The following EVI2B variants were observed in gnomAD, a reference collection of about 807,000 sequenced individuals.
The protein encoded by EVI2B is ecotropic viral integration site 2B.
In EVI2B, 4 loss-of-function variants were observed where a neutral mutation model predicts 6.6. That is an observed-to-expected ratio of 0.61 (90% confidence interval 0.30 to 1.39). The LOEUF (loss-of-function observed/expected upper bound fraction) is 1.39, where lower values mean the gene tolerates loss of function less well. Ranked by LOEUF, EVI2B falls within the 40% of genes most tolerant of loss-of-function variation. EVI2B has a pLI of 0.08. For missense variants in EVI2B, 484 were observed against 516.6 expected (o/e 0.94, Z 0.61); for synonymous variants, 181 against 186.8 (o/e 0.97, Z 0.25).
At position 31,313,963 on chromosome 17, in the gene EVI2B, G is replaced by C. The variant is rs1303433096; in HGVS notation, c.-22+16C>G. The C allele has an allele frequency of 2.5e-6, 1 of 397,814 alleles. No homozygotes were observed. Among genetic ancestry groups the C allele is most frequent in the Non-Finnish European group, 4.4e-6 (1 of 225,754 alleles). The allele number at this position is 397,814 out of a possible 1,614,324, so 24.6% of individuals were successfully genotyped here. On this transcript the variant is annotated intron_variant, in intron 1 of 1. Transcript: ENST00000330927. ...ATAAAGCAAGATCAAACCAAATTGT[G>C]TGAAAATTTTCTTACCTCAGCTGTT...
intron 1 of EVI2B, among the ~76,000 whole-genome samples, chr17:31,312,531 A>G (rs1288599187): frequency 1.3e-5 from 2 of 151,966 alleles, no homozygotes; most frequent in South Asian, 4.1e-4. Flanking sequence ...AAAAAAAAAA[A>G]AAAAGTATGG....
At position 31,304,096 on chromosome 17, in the gene EVI2B, T is replaced by C. The variant is rs2068640978; in HGVS notation, c.*167A>G. 1.7e-6 allele frequency: 1 copy of C among 593,652 alleles called. No individual in the cohort carries two copies. The highest frequency in any genetic ancestry group is 2.8e-6 in the Non-Finnish European group (1 of 355,520). The allele number at this position is 593,652 out of a possible 1,614,324, so 36.8% of individuals were successfully genotyped here. A position where few individuals can be genotyped will look rare whatever the true frequency, so the allele number is the denominator to read the frequency against. On this transcript the variant is annotated 3_prime_UTR_variant, in exon 2 of 2. Coordinates refer to ENST00000330927, the MANE Select transcript of EVI2B (RefSeq NM_006495.4). ...TAAATAGATTACTGTTAAATAACTTTTTTTAAAAAAAAGTTTCATCTATGC... is the reference window on the plus strand; with the variant it reads ...TAAATAGATTACTGTTAAATAACTTCTTTTAAAAAAAAGTTTCATCTATGC...
At chr17:31,307,776 G>A (rs1266690954) in intron 1 of EVI2B, 1 of 653,758 alleles carries the variant, frequency 1.5e-6, no homozygotes, top group Non-Finnish European at 2.3e-6. Flanking sequence ...ATCTTAGGGT[G>A]TTAGATATTG....
In EVI2B at chr17:31,304,521, T is replaced by TA; in HGVS notation, c.1088dup (p.Ser364IlefsTer6). The TA allele has an allele frequency of 1.9e-6, 3 of 1,614,212 alleles. No individual in the cohort carries two copies. The South Asian group carries it at 3.3e-5, about 18-fold the overall frequency. ...TAGTAGAATCATTTGGAAGAGGAGA[T>TA]ACAATTGTCATTGTGGGTTTGTCAG... On this transcript the variant is annotated frameshift_variant, in exon 2 of 2. Transcript: ENST00000330927. LOFTEE classifies it low-confidence loss of function (END_TRUNC).
chr17:31,305,396 A>G lies in EVI2B; in HGVS notation c.214T>C (p.Ser72Pro). The change falls in exon 2 of 2, where the codon TCA becomes CCA. Residue 72 changes from serine to proline, a missense_variant. Coordinates refer to ENST00000330927, the MANE Select transcript of EVI2B (RefSeq NM_006495.4). ...TGTCCAGCAGTGACTTTGGCAGGTG[A>G]TATTGATTGTCCAGAAAAAGTGTCG... is the stretch of plus-strand genomic sequence containing the variant. ...FSDTFSGQSI[S>P]PAKVTAGQPT... is the part of the protein sequence containing the mutation. 1 of 1,614,172 alleles carries G rather than the reference A, an allele frequency of 6.2e-7. No homozygotes were observed. Among genetic ancestry groups the G allele is most frequent in the Non-Finnish European group, 8.5e-7 (1 of 1,180,030 alleles).
At position 31,304,327 on chromosome 17, in the gene EVI2B, A is replaced by G. The variant is rs201634622; in HGVS notation, c.1283T>C (p.Ile428Thr). 1.1e-4 allele frequency: 170 copies of G among 1,614,116 alleles called. No homozygotes were observed. Among genetic ancestry groups the G allele is most frequent in the Admixed American group, 1.5e-4 (9 of 60,022 alleles). Residue 428 changes from isoleucine to threonine, a missense_variant, in exon 2 of 2, where the codon ATT (isoleucine) becomes ACT (threonine). Ile to Thr is a moderately conservative substitution (Grantham distance 89). Coordinates refer to ENST00000330927, the MANE Select transcript of EVI2B (RefSeq NM_006495.4). ...NLEIQCQEFS[I>T]PPNSDQDLNE... ...AAGATCTTGATCAGAGTTGGGAGGAATAGAGAACTCCTGACACTGGATCTC... is the reference window on the plus strand; with the variant it reads ...AAGATCTTGATCAGAGTTGGGAGGAGTAGAGAACTCCTGACACTGGATCTC...
rs199724907 is a variant in EVI2B, at chr17:31,304,093, CT to C, written c.*169del. 5.2e-6 allele frequency: 3 copies of C among 578,506 alleles called. No individual in the cohort carries two copies. The highest frequency in any genetic ancestry group is 3.6e-5 in the Admixed American group (1 of 27,742). 35.8% of individuals were successfully genotyped at this position (578,506 alleles called of 1,614,324 possible). A position where few individuals can be genotyped will look rare whatever the true frequency, so the allele number is the denominator to read the frequency against. On this transcript the variant is annotated 3_prime_UTR_variant, in exon 2 of 2. Coordinates refer to ENST00000330927, the MANE Select transcript of EVI2B (RefSeq NM_006495.4). Reference sequence around the variant, plus strand: ...TAGTAAATAGATTACTGTTAAATAACTTTTTTTAAAAAAAAGTTTCATCTAT... The same window carrying C: ...TAGTAAATAGATTACTGTTAAATAACTTTTTTAAAAAAAAGTTTCATCTAT...
At chr17:31,307,804 CTA>C in intron 1 of EVI2B, 3 of 971,222 alleles carry the variant, frequency 3.1e-6, no homozygotes, top group Non-Finnish European at 4.3e-6. Context: ...TGATTAGAAA[CTA>C]TAGTTCTTCT....
chr17:31,308,079 T>C lies in EVI2B; in HGVS notation c.-21-2449A>G, dbSNP rs556910124. 5 of 342,506 alleles carry C rather than the reference T, an allele frequency of 1.5e-5. No homozygotes were observed. In the East Asian group the frequency reaches 3.8e-4, roughly 26 times the overall value. 21.2% of individuals were successfully genotyped at this position (342,506 alleles called of 1,614,324 possible). A position where few individuals can be genotyped will look rare whatever the true frequency, so the allele number is the denominator to read the frequency against. On this transcript the variant is annotated intron_variant, in intron 1 of 1. Transcript: ENST00000330927. The stretch of plus-strand genomic sequence containing the variant: ...CACTGCTGAATTAATCTTAAAAGTG[T>C]GCATGATCAGGTTACTACTGCCTTG...
At chr17:31,307,313 CT>C (rs1440525891) in intron 1 of EVI2B, among the ~76,000 whole-genome samples, 4 of 152,186 alleles carry the variant, frequency 2.6e-5, no homozygotes, top group Non-Finnish European at 5.9e-5. Flanking sequence ...GCCACCACGC[CT>C]GGCCCAATTA....
chr17:31,304,944 A>G lies in EVI2B; in HGVS notation c.666T>C (p.Ile222=), dbSNP rs143642186. ...GTTTCCTTAAGCATTTCCAAAGTAC[A>G]ATGATGATTATAGCTACCAACATAG... is the stretch of plus-strand genomic sequence containing the variant. ...LTSMLVAIII[I]VLWKCLRKPV... The change falls in exon 2 of 2, where the codon ATT becomes ATC. Residue 222 remains isoleucine, a synonymous_variant. Transcript: ENST00000330927. 54 of 1,614,030 alleles carry G rather than the reference A, an allele frequency of 3.3e-5. No individual in the cohort carries two copies. In the Middle Eastern group the frequency reaches 4.9e-4, roughly 15 times the overall value.
At position 31,305,152 on chromosome 17, in the gene EVI2B, A is replaced by G. The variant is rs747693623; in HGVS notation, c.458T>C (p.Val153Ala). ...TATTTGTTTTCTAGAAGGGATCTGGACAGATGATGATTGTTGAGTAAAAGT... is the reference window on the plus strand; with the variant it reads ...TATTTGTTTTCTAGAAGGGATCTGGGCAGATGATGATTGTTGAGTAAAAGT... Reference protein sequence around the residue: ...VYTFTQQSSSVQIPSRKQITV... With the variant: ...VYTFTQQSSSAQIPSRKQITV... Residue 153 changes from valine (V) to alanine (A), a missense_variant, in exon 2 of 2, where the codon GTC becomes GCC. Val to Ala is a moderately conservative substitution (Grantham distance 64, BLOSUM62 0). Coordinates refer to ENST00000330927, the MANE Select transcript of EVI2B (RefSeq NM_006495.4). 43 of 1,614,168 alleles carry G rather than the reference A, an allele frequency of 2.7e-5. No homozygotes were observed. The highest frequency in any genetic ancestry group is 3.5e-5 in the Non-Finnish European group (41 of 1,180,036).
At chr17:31,308,366 C>T (rs1162017359) in intron 1 of EVI2B, among the ~76,000 whole-genome samples, 1 of 152,102 alleles carries the variant, frequency 6.6e-6, no homozygotes, top group African/African-American at 2.4e-5. Context: ...GTCTCGAACT[C>T]CTGACCTCAA....
chr17:31,307,777 T>G, intron 1 of EVI2B: 1 of 660,214 alleles, frequency 1.5e-6, no homozygotes, highest in Non-Finnish European at 2.3e-6. Flanking sequence ...TCTTAGGGTG[T>G]TAGATATTGG....
chr17:31,309,774 G>T (rs11654997), intron 1 of EVI2B, among the ~76,000 whole-genome samples: 3,357 of 152,294 alleles, frequency 0.022, 69 homozygotes, highest in Non-Finnish European at 0.037. Context: ...ATTTTGATAG[G>T]CTCCTATCCT....
Position 31,305,199 on chromosome 17 carries a change from T to C in EVI2B, c.411A>G (p.Gln137=). 1 of 1,614,064 alleles carries C rather than the reference T, an allele frequency of 6.2e-7. No individual in the cohort carries two copies. The highest frequency in any genetic ancestry group is 1.3e-5 in the African/African-American group (1 of 75,006). ...AAGTATAGACAAATGACTTTGGTGG[T>C]TGTGTGGTAGAAGTACGGGCAGATG... ...QLPSARTSTT[Q]PPKSFVYTFT... is the part of the protein sequence containing the mutation. The change falls in exon 2 of 2, where the codon CAA becomes CAG. Residue 137 remains glutamine (Q), a synonymous_variant. Transcript: ENST00000330927.
In EVI2B at chr17:31,304,254, T is replaced by G. The variant is rs368478328; in HGVS notation, c.*9A>C. On this transcript the variant is annotated 3_prime_UTR_variant, in exon 2 of 2. Coordinates refer to ENST00000330927, the MANE Select transcript of EVI2B (RefSeq NM_006495.4). ...GATGGAAGATCAGCTAAAAAGCAAGTTGTAATATTTATAACAGTTCTGCAG... is the reference window on the plus strand; with the variant it reads ...GATGGAAGATCAGCTAAAAAGCAAGGTGTAATATTTATAACAGTTCTGCAG... 6.4e-7 allele frequency: 1 copy of G among 1,573,304 alleles called. No homozygotes were observed. Among genetic ancestry groups the G allele is most frequent in the African/African-American group, 1.4e-5 (1 of 73,126 alleles).
At chr17:31,313,926 A>G (rs534465728) in intron 1 of EVI2B, 53 bp downstream of exon 1, 1 of 397,364 alleles carries the variant, frequency 2.5e-6, no homozygotes, top group Non-Finnish European at 4.4e-6. Flanking sequence ...CAGTTTTTAA[A>G]ATAAATTTTA....
At chr17:31,310,145 G>A (rs2068830317) in intron 1 of EVI2B, among the ~76,000 whole-genome samples, 1 of 152,146 alleles carries the variant, frequency 6.6e-6, no homozygotes, top group Non-Finnish European at 1.5e-5. Flanking sequence ...TAAGTGGTGT[G>A]TACCTGAAGT....
Sources: gnomAD v4.1 joint callset for allele counts (sites outside exome capture counted in the v4.1 genomes callset) on GRCh38, gnomAD v4.1.1 for gene constraint, MANE v1.5 for transcripts, NCBI Gene and HGNC (gene_info 2026-07-23, HGNC 2026-07-21) for gene names.